RAD51AP1: variants seen among roughly 807,000 people sequenced by gnomAD.
RAD51AP1 encodes RAD51-associated protein 1.
In RAD51AP1, 14 loss-of-function variants were observed where a neutral mutation model predicts 34.3. The ratio of observed to expected loss-of-function variants is 0.41; its 90% CI spans 0.27 to 0.64. RAD51AP1 has a LOEUF of 0.64. Ranked by LOEUF, RAD51AP1 falls within the 30% of genes least tolerant of loss-of-function variation. The pLI is 0.33. For synonymous variants in RAD51AP1, 114 were observed against 129.8 expected, an observed-to-expected ratio of 0.88 and a Z score of 0.83; for missense variants, 348 against 386.9, an observed-to-expected ratio of 0.90 and a Z score of 0.84.
intron 6 of RAD51AP1, 88 bp from the exon 7 acceptor site, chr12:4,552,895 A>C: frequency 1.6e-6 from 2 of 1,256,572 alleles, no homozygotes; most frequent in Non-Finnish European, 2.2e-6. Flanking sequence ...ACAAAGGTGC[A>C]TAAGAATCTG....
chr12:4,546,328 C>G lies in RAD51AP1; in HGVS notation c.229C>G (p.Leu77Val), dbSNP rs766573561. 1.1e-5 allele frequency: 17 copies of G among 1,609,802 alleles called. No individual in the cohort carries two copies. The South Asian group carries it at 1.2e-4, about 11-fold the overall frequency. ...PKKRMALDDK[L>V]YQRDLEVALA... is the part of the protein sequence containing the mutation. ...TTTTAGGATGGCTTTAGATGACAAG[C>G]TCTACCAGAGAGACTTAGAAGTTGC... is the stretch of plus-strand genomic sequence containing the variant. Residue 77 changes from leucine (L) to valine (V), a missense_variant, in exon 4 of 9, where the codon CTC becomes GTC. By Grantham distance (32) the Leu-to-Val change is conservative. Transcript: ENST00000352618.
At chr12:4,553,645 T>C (rs1003214641) in intron 7 of RAD51AP1, among the ~76,000 whole-genome samples, 9 of 152,118 alleles carry the variant, frequency 5.9e-5, no homozygotes, top group Admixed American at 5.9e-4. Context: ...GCCCTTTTTT[T>C]TTTTTTATTT....
intron 6 of RAD51AP1, among the ~76,000 whole-genome samples, chr12:4,552,047 T>C (rs963599314): frequency 1.3e-5 from 2 of 152,226 alleles, no homozygotes; most frequent in Non-Finnish European, 2.9e-5. Flanking sequence ...AGATTTTCTT[T>C]AATAAAGTTT....
chr12:4,548,163 G>A lies in RAD51AP1; in HGVS notation c.391G>A (p.Ala131Thr). 1 of 1,598,382 alleles carries A rather than the reference G, an allele frequency of 6.3e-7. No homozygotes were observed. Among genetic ancestry groups the A allele is most frequent in the Non-Finnish European group, 8.5e-7 (1 of 1,176,364 alleles). ...KSPHISNCSV[A>T]SDYLDLDKIT... ...TCCTCATATCTCTAATTGCAGTGTA[G>A]CCAGTGATTATTTAGGTAAGTTTTT... Residue 131 changes from alanine (A) to threonine (T), a missense_variant, in exon 5 of 9, where the codon GCC becomes ACC. Coordinates refer to ENST00000352618, the MANE Select transcript of RAD51AP1 (RefSeq NM_006479.5).
At chr12:4,557,663 A>T (rs1163403490) in intron 8 of RAD51AP1, among the ~76,000 whole-genome samples, 1 of 152,204 alleles carries the variant, frequency 6.6e-6, no homozygotes, top group African/African-American at 2.4e-5. Context: ...AATTAAAAAA[A>T]TACAAGGAAA....
At chr12:4,548,898 GC>G in intron 6 of RAD51AP1, 62 bp downstream of exon 6, 1 of 1,557,432 alleles carries the variant, frequency 6.4e-7, no homozygotes, top group South Asian at 1.2e-5. Flanking sequence ...GTTCTTGGAA[GC>G]TATTAATTGT....
In RAD51AP1 at chr12:4,538,976, C is replaced by T. The variant is rs769841744; in HGVS notation, c.17+20C>T. ...TGTGAGGTGGGTAGTTCCTGACATT[C>T]GTCGGGGGTGGGAGGAAAACTAAGG... On this transcript the variant is annotated intron_variant, in intron 1 of 8. Transcript: ENST00000352618. 1.2e-6 allele frequency: 2 copies of T among 1,610,144 alleles called. No individual in the cohort carries two copies. Among genetic ancestry groups the T allele is most frequent in the Non-Finnish European group, 1.7e-6 (2 of 1,176,560 alleles).
At chr12:4,548,297 G>A (rs187435905) in intron 5 of RAD51AP1, 119 bp downstream of exon 5, 3 of 1,315,362 alleles carry the variant, frequency 2.3e-6, no homozygotes, top group Admixed American at 5.6e-5. Context: ...CTCTCTTGAT[G>A]TCATGGCCTT....
chr12:4,539,227 G>A (rs2137232169), intron 1 of RAD51AP1, among the ~76,000 whole-genome samples: 1 of 152,154 alleles, frequency 6.6e-6, no homozygotes, highest in East Asian at 1.9e-4. Flanking sequence ...ACATTTCACC[G>A]AGCGCCCAAT....
chr12:4,550,578 G>A (rs1479085623), intron 6 of RAD51AP1: 1 of 152,206 alleles, frequency 6.6e-6, no homozygotes, highest in East Asian at 1.9e-4. Context: ...ATTGTGTGTG[G>A]GAACAATGAT....
chr12:4,555,753 T>G lies in RAD51AP1; in HGVS notation c.722-600T>G, dbSNP rs7136384. Among the ~76,000 whole-genome samples, 556 of 152,288 alleles carry G rather than the reference T, an allele frequency of 3.7e-3. 6 individuals carry two copies. The highest frequency in any genetic ancestry group is 0.012 in the African/African-American group (500 of 41,556). On this transcript the variant is annotated intron_variant, in intron 7 of 8. Coordinates refer to ENST00000352618, the MANE Select transcript of RAD51AP1 (RefSeq NM_006479.5). Reference sequence around the variant, plus strand: ...TTGGTTCAGACCATCCTCACTCACCTCCTTCTAACTTTAAAACACATACCC... The same window carrying G: ...TTGGTTCAGACCATCCTCACTCACCGCCTTCTAACTTTAAAACACATACCC...
At chr12:4,552,932 A>C in intron 6 of RAD51AP1, 51 bp from the exon 7 acceptor site, 4 of 1,469,856 alleles carry the variant, frequency 2.7e-6, no homozygotes, top group Non-Finnish European at 3.6e-6. Flanking sequence ...TTAAGGCAAC[A>C]GAATCCTCAC....
At chr12:4,552,422 C>T (rs370020286) in intron 6 of RAD51AP1, among the ~76,000 whole-genome samples, 1 of 152,162 alleles carries the variant, frequency 6.6e-6, no homozygotes, top group African/African-American at 2.4e-5. Flanking sequence ...GAAATCAGCT[C>T]TAGGATTATC....
intron 4 of RAD51AP1, 139 bp downstream of exon 4, chr12:4,546,557 G>A (rs900210860): frequency 4.4e-5 from 25 of 568,682 alleles, no homozygotes; most frequent in Admixed American, 2.6e-4. Flanking sequence ...CAGAGAATAC[G>A]ATTGGATTTA....
chr12:4,552,540 T>C (rs936368456), intron 6 of RAD51AP1, among the ~76,000 whole-genome samples: 2 of 152,204 alleles, frequency 1.3e-5, no homozygotes, highest in Non-Finnish European at 2.9e-5. Context: ...ATGTCACTGT[T>C]TTGAAAGACT....
In RAD51AP1 at chr12:4,547,271, G is replaced by A. The variant is rs539751464; in HGVS notation, c.320-821G>A. ...GTAGAGAGGGGTCTCACTATGTTGC[G>A]CATGCTGCCCTCAAACTCCCAGCCT... On this transcript the variant is annotated intron_variant, in intron 4 of 8. Coordinates refer to ENST00000352618, the MANE Select transcript of RAD51AP1 (RefSeq NM_006479.5). 3.0e-4 allele frequency among the ~76,000 whole-genome samples: 46 copies of A among 152,040 alleles called. 1 individual carries two copies. Among genetic ancestry groups the A allele is most frequent in the Non-Finnish European group, 2.6e-4 (18 of 67,952 alleles).
intron 6 of RAD51AP1, among the ~76,000 whole-genome samples, 180 bp from the exon 7 acceptor site, chr12:4,552,803 G>A (rs564054332): frequency 6.6e-5 from 10 of 152,316 alleles, no homozygotes; most frequent in African/African-American, 2.4e-4. Context: ...GCTCAGTGAA[G>A]TTAGTGACCT....
Position 4,541,938 on chromosome 12 carries a change from G to A in RAD51AP1, c.67+5G>A, listed in dbSNP as rs370914680. 4.6e-6 allele frequency: 7 copies of A among 1,507,186 alleles called. No homozygotes were observed. Among genetic ancestry groups the A allele is most frequent in the Non-Finnish European group, 1.8e-6 (2 of 1,119,798 alleles). The allele number at this position is 1,507,186 out of a possible 1,614,324, so 93.4% of individuals were successfully genotyped here. On this transcript the variant is annotated splice_donor_5th_base_variant and intron_variant, in intron 2 of 8. Transcript: ENST00000352618. ...TTGACCACTCTGACAGTGATGGTAA[G>A]TAAAGCTTCTTATTTTTGTTCTAAA...
intron 1 of RAD51AP1, among the ~76,000 whole-genome samples, chr12:4,539,624 A>T (rs1304862078): frequency 6.6e-6 from 1 of 152,206 alleles, no homozygotes; most frequent in Non-Finnish European, 1.5e-5. Flanking sequence ...CACTACTTTA[A>T]ATATAGTAGT....
Sources: allele counts gnomAD v4.1 joint callset (sites outside exome capture counted in the v4.1 genomes callset), GRCh38; gene constraint gnomAD v4.1.1; transcripts MANE v1.5; gene names NCBI Gene and HGNC (gene_info 2026-07-23, HGNC 2026-07-21).